Variants in EPHA3 observed in about 807,000 individuals in gnomAD.
EPHA3 encodes ephrin type-A receptor 3.
A neutral mutation model predicts 107.1 loss-of-function variants in EPHA3; 42 were observed. The observed-to-expected ratio is 0.39, with a 90% CI of 0.31 to 0.51. EPHA3 has a LOEUF of 0.51. Ranked by LOEUF, EPHA3 falls within the 20% of genes least tolerant of loss-of-function variation. EPHA3 has a pLI of 0.78. For missense variants in EPHA3, 1,183 were observed against 1,211.2 expected (o/e 0.98, Z 0.35); for synonymous variants, 461 against 424.8 (o/e 1.09, Z -1.05).
At chr3:89,415,163 C>T (rs1709221843) in intron 10 of EPHA3, among the ~76,000 whole-genome samples, 2 of 151,392 alleles carry the variant, frequency 1.3e-5, no homozygotes, top group Admixed American at 6.6e-5. Flanking sequence ...TAAAAGCTAA[C>T]AATTTGTTAA....
chr3:89,127,096 G>A, intron 1 of EPHA3, 113 bp from the exon 2 acceptor site: 2 of 777,666 alleles, frequency 2.6e-6, no homozygotes, highest in South Asian at 1.5e-5. Context: ...ATAATGAGAA[G>A]GAAGAGTTAT....
intron 5 of EPHA3, among the ~76,000 whole-genome samples, chr3:89,371,618 G>A (rs144070770): frequency 2.0e-5 from 3 of 151,696 alleles, no homozygotes; most frequent in Admixed American, 1.3e-4. Flanking sequence ...CAACTGTACC[G>A]TGTGGCACAT....
At chr3:89,344,873 T>TCAAATGTCCAACAATGATAGACTGGA (rs1553684152) in intron 5 of EPHA3, among the ~76,000 whole-genome samples, 15 of 151,804 alleles carry the variant, frequency 9.9e-5, no homozygotes, top group South Asian at 2.1e-4. Context: ...AATTCGGATA[T>TCAAATGTCCAACAATGATAGACTGGA]TAGTTCTCAG....
intron 13 of EPHA3, 32 bp downstream of exon 13, chr3:89,431,391 A>G (rs1039379030): frequency 1.7e-5 from 26 of 1,567,478 alleles, no homozygotes; most frequent in Non-Finnish European, 2.3e-5. Context: ...CTTTTTTATC[A>G]TTGTTTTCCA....
chr3:89,262,748 C>G (rs1199348462), intron 3 of EPHA3, among the ~76,000 whole-genome samples: 1 of 152,118 alleles, frequency 6.6e-6, no homozygotes, highest in African/African-American at 2.4e-5. Context: ...GCACTGGAAC[C>G]GGCTGGCTGT....
chr3:89,208,423 G>GAAGGAAGAAAGA (rs74193305), intron 2 of EPHA3, among the ~76,000 whole-genome samples: 23 of 37,536 alleles, frequency 6.1e-4, no homozygotes, highest in Admixed American at 4.9e-3. Flanking sequence ...AGGAAGGAAG[G>GAAGGAAGAAAGA]AAGAAAGAAA....
intron 2 of EPHA3, among the ~76,000 whole-genome samples, chr3:89,166,044 G>A (rs1486093352): frequency 6.6e-6 from 1 of 152,174 alleles, no homozygotes; most frequent in Non-Finnish European, 1.5e-5. Context: ...TAGCAAATGA[G>A]TGGCAGGATT....
intron 3 of EPHA3, among the ~76,000 whole-genome samples, chr3:89,273,790 C>G (rs185712184): frequency 6.6e-6 from 1 of 151,910 alleles, no homozygotes; most frequent in East Asian, 1.9e-4. Context: ...AAAATCATGG[C>G]CAATAGCATG....
chr3:89,342,175 G>GA (rs750718124), intron 5 of EPHA3, 85 bp downstream of exon 5: 15 of 1,257,738 alleles, frequency 1.2e-5, no homozygotes, highest in Non-Finnish European at 1.3e-5. Context: ...TGGGCGGAAG[G>GA]AAAAAAAGAT....
chr3:89,455,648 T>C (rs1242027266), intron 15 of EPHA3, among the ~76,000 whole-genome samples: 1 of 152,226 alleles, frequency 6.6e-6, no homozygotes, highest in Non-Finnish European at 1.5e-5. Flanking sequence ...CACCTTCATC[T>C]AAACAATACT....
At chr3:89,301,773 A>G (rs1390680132) in intron 3 of EPHA3, among the ~76,000 whole-genome samples, 1 of 152,108 alleles carries the variant, frequency 6.6e-6, no homozygotes, top group African/African-American at 2.4e-5. Context: ...ATTCTCTAGG[A>G]AGCTCCACAG....
At chr3:89,356,455 G>A (rs1275019742) in intron 5 of EPHA3, among the ~76,000 whole-genome samples, 2 of 151,214 alleles carry the variant, frequency 1.3e-5, no homozygotes, top group African/African-American at 2.4e-5. Context: ...CACCAACAGT[G>A]TAAAAGTGTT....
chr3:89,132,832 GT>G (rs1253465959), intron 2 of EPHA3, among the ~76,000 whole-genome samples: 1 of 152,304 alleles, frequency 6.6e-6, no homozygotes, highest in Admixed American at 6.5e-5. Flanking sequence ...CCAGGCTGCA[GT>G]GGGGTACGAC....
rs554876336 is a variant in EPHA3, at chr3:89,267,530, G to A, written c.814+57010G>A. On this transcript the variant is annotated intron_variant, in intron 3 of 16. Coordinates refer to ENST00000336596, the MANE Select transcript of EPHA3 (RefSeq NM_005233.6). ...CACAGCCCTGCCATTCCCCCTGGAA[G>A]CCAGGAAGCAGAATAGCAAAGAAAG... 3.3e-5 allele frequency among the ~76,000 whole-genome samples: 5 copies of A among 152,270 alleles called. No homozygotes were observed. The East Asian group carries it at 9.7e-4, about 29-fold the overall frequency.
At chr3:89,436,215 A>T (rs1409389248) in intron 13 of EPHA3, among the ~76,000 whole-genome samples, 1 of 152,172 alleles carries the variant, frequency 6.6e-6, no homozygotes, top group Non-Finnish European at 1.5e-5. Context: ...CTGTTTGTCA[A>T]CCCAAAGCAA....
At chr3:89,224,413 GTTTACCTT>G (rs1451871759) in intron 3 of EPHA3, among the ~76,000 whole-genome samples, 2 of 152,098 alleles carry the variant, frequency 1.3e-5, no homozygotes, top group Non-Finnish European at 2.9e-5. Context: ...CCTTGTATCA[GTTTACCTT>G]TTTTCACCTT....
intron 15 of EPHA3, among the ~76,000 whole-genome samples, chr3:89,457,477 A>G (rs1466624183): frequency 6.6e-6 from 1 of 152,166 alleles, no homozygotes; most frequent in Non-Finnish European, 1.5e-5. Flanking sequence ...AGTCTAGGTT[A>G]TGCGCTCCTC....
chr3:89,340,501 A>C (rs1707494791), intron 3 of EPHA3, among the ~76,000 whole-genome samples: 1 of 152,232 alleles, frequency 6.6e-6, no homozygotes, highest in African/African-American at 2.4e-5. Context: ...CCACAGAGCA[A>C]TTAGAAAACT....
intron 3 of EPHA3, among the ~76,000 whole-genome samples, chr3:89,320,356 T>C (rs1418213625): frequency 6.6e-6 from 1 of 151,868 alleles, no homozygotes; most frequent in Non-Finnish European, 1.5e-5. Flanking sequence ...GTCCCAAAGG[T>C]GTTTAATTTT....
Sources: allele counts gnomAD v4.1 joint callset (sites outside exome capture counted in the v4.1 genomes callset), GRCh38; gene constraint gnomAD v4.1.1; transcripts MANE v1.5; gene names NCBI Gene and HGNC (gene_info 2026-07-23, HGNC 2026-07-21).